AK7: variants seen among roughly 807,000 people sequenced by gnomAD.
The protein encoded by AK7 is adenylate kinase 7, also known as ATP-AMP transphosphorylase 7.
AK7 carries 78 observed loss-of-function variants against 96.6 expected under a neutral mutation model. The observed-to-expected ratio is 0.81, with a 90% CI of 0.67 to 0.97. The LOEUF is 0.97. Among genes scored for constraint, AK7 ranks in the 50% least tolerant of loss-of-function variants. AK7 has a pLI of 0.00. For missense variants in AK7, 855 were observed against 887.9 expected, an observed-to-expected ratio of 0.96 and a Z score of 0.47; for synonymous variants, 302 against 317.2, an observed-to-expected ratio of 0.95 and a Z score of 0.51.
At chr14:96,449,714 G>C in intron 8 of AK7, 88 bp from the exon 9 acceptor site, 1 of 964,302 alleles carries the variant, frequency 1.0e-6, no homozygotes, top group East Asian at 2.7e-5. Context: ...GATTACAGGC[G>C]TGAGCCACTG....
intron 5 of AK7, among the ~76,000 whole-genome samples, chr14:96,428,741 A>T (rs1198192806): frequency 6.6e-6 from 1 of 152,064 alleles, no homozygotes; most frequent in Non-Finnish European, 1.5e-5. Context: ...TCATGTGTCC[A>T]TTGGCTACAT....
At chr14:96,470,952 G>T (rs528577940) in intron 12 of AK7, among the ~76,000 whole-genome samples, 1 of 152,082 alleles carries the variant, frequency 6.6e-6, no homozygotes, top group East Asian at 1.9e-4. Flanking sequence ...TGCAGACATC[G>T]GCACTCGCCC....
intron 4 of AK7, among the ~76,000 whole-genome samples, chr14:96,416,506 A>G (rs1891357858): frequency 6.6e-6 from 1 of 152,182 alleles, no homozygotes; most frequent in African/African-American, 2.4e-5. Context: ...CCTCCTAGAA[A>G]GAGGAAGCCT....
At chr14:96,426,803 T>C (rs568501129) in intron 5 of AK7, among the ~76,000 whole-genome samples, 1 of 152,370 alleles carries the variant, frequency 6.6e-6, no homozygotes, top group East Asian at 1.9e-4. Flanking sequence ...TTGTATGTTA[T>C]TTGTTTCTTT....
rs771538927 is a variant in AK7, at chr14:96,398,030, C to T, written c.106-45C>T. On this transcript the variant is annotated intron_variant, in intron 1 of 17. Transcript: ENST00000267584. ...GAATCATCATTCACTGGCCCCCTGACTCTAATTTTCTCTTACCATTTGGGA... is the reference window on the plus strand; with the variant it reads ...GAATCATCATTCACTGGCCCCCTGATTCTAATTTTCTCTTACCATTTGGGA... The T allele has an allele frequency of 7.6e-6, 12 of 1,580,288 alleles. No individual in the cohort carries two copies. In the South Asian group the frequency reaches 1.4e-4, roughly 18 times the overall value.
At chr14:96,395,962 C>T (rs1181707384) in intron 1 of AK7, among the ~76,000 whole-genome samples, 1 of 151,724 alleles carries the variant, frequency 6.6e-6, no homozygotes. Flanking sequence ...CAGGCATGTG[C>T]CACCATGCCC....
chr14:96,468,761 T>G (rs998255888), intron 12 of AK7, among the ~76,000 whole-genome samples: 2 of 152,286 alleles, frequency 1.3e-5, no homozygotes, highest in African/African-American at 4.8e-5. Context: ...TTTAAACATG[T>G]TTTAGTAATT....
At chr14:96,419,718 T>C (rs994408888) in intron 4 of AK7, among the ~76,000 whole-genome samples, 2 of 152,014 alleles carry the variant, frequency 1.3e-5, no homozygotes, top group African/African-American at 2.4e-5. Context: ...AGACTTTTAG[T>C]TTTTAATTTT....
chr14:96,464,414 G>A (rs1021481587), intron 12 of AK7, among the ~76,000 whole-genome samples: 1 of 151,738 alleles, frequency 6.6e-6, no homozygotes, highest in African/African-American at 2.4e-5. Flanking sequence ...GCCAGGCGTG[G>A]TGGTGCGTGC....
intron 12 of AK7, among the ~76,000 whole-genome samples, chr14:96,466,023 A>AG (rs907671139): frequency 2.6e-5 from 4 of 151,290 alleles, no homozygotes; most frequent in African/African-American, 7.3e-5. Context: ...AAAAAAAAAA[A>AG]AAAGAAACCA....
intron 5 of AK7, among the ~76,000 whole-genome samples, chr14:96,431,392 T>C (rs8010890): frequency 0.07 from 10,657 of 152,156 alleles, 1,295 homozygotes; most frequent in African/African-American, 0.24. Context: ...CTCTTGTGGG[T>C]ATTTAGTGCT....
At chr14:96,395,580 C>T (rs534002997) in intron 1 of AK7, among the ~76,000 whole-genome samples, 19 of 152,056 alleles carry the variant, frequency 1.2e-4, no homozygotes, top group African/African-American at 2.2e-4. Flanking sequence ...TGGTGGCACA[C>T]GCCTACCTTC....
intron 12 of AK7, among the ~76,000 whole-genome samples, chr14:96,465,449 C>T (rs917185126): frequency 4.1e-5 from 6 of 147,422 alleles, no homozygotes; most frequent in Non-Finnish European, 8.9e-5. Flanking sequence ...GGCGACAGAG[C>T]GAAGACTCCG....
chr14:96,482,366 C>T (rs2140177689), intron 15 of AK7, among the ~76,000 whole-genome samples: 1 of 152,308 alleles, frequency 6.6e-6, no homozygotes, highest in Non-Finnish European at 1.5e-5. Context: ...GTCTGCTGCA[C>T]ATCGTTCTCT....
At position 96,408,906 on chromosome 14, in the gene AK7, G is replaced by A. The variant is rs1480598205; in HGVS notation, c.463G>A (p.Val155Met). The A allele has an allele frequency of 6.2e-7, 1 of 1,614,238 alleles. No individual in the cohort carries two copies. The highest frequency in any genetic ancestry group is 1.3e-5 in the African/African-American group (1 of 75,064). ...KRKLFILLST[V>M]MTWARSKALD... Reference sequence around the variant, plus strand: ...AAAGCTATTTATTTTACTGTCGACGGTGATGACTTGGGCGCGCTCCAAAGC... The same window carrying A: ...AAAGCTATTTATTTTACTGTCGACGATGATGACTTGGGCGCGCTCCAAAGC... Residue 155 changes from valine to methionine, a missense_variant, in exon 4 of 18, where the codon GTG becomes ATG. Transcript: ENST00000267584.
At chr14:96,473,648 C>T (rs533120590) in intron 14 of AK7, among the ~76,000 whole-genome samples, 1 of 152,050 alleles carries the variant, frequency 6.6e-6, no homozygotes, top group South Asian at 2.1e-4. Flanking sequence ...AGAGAATGCA[C>T]CAACGGATAA....
intron 12 of AK7, among the ~76,000 whole-genome samples, chr14:96,464,575 A>G (rs1416057559): frequency 6.6e-6 from 1 of 150,842 alleles, no homozygotes; most frequent in Non-Finnish European, 1.5e-5. Flanking sequence ...AAAAGGAGAA[A>G]GAGAGAGAAT....
chr14:96,421,832 C>T (rs1891717627), intron 5 of AK7, among the ~76,000 whole-genome samples: 1 of 152,114 alleles, frequency 6.6e-6, no homozygotes, highest in South Asian at 2.1e-4. Flanking sequence ...GTCTCGATCT[C>T]CTGAACTCGT....
intron 16 of AK7, among the ~76,000 whole-genome samples, chr14:96,486,579 G>A (rs950085938): frequency 1.3e-5 from 2 of 151,502 alleles, no homozygotes; most frequent in African/African-American, 2.4e-5. Context: ...GCTGTATGCT[G>A]AGCAAAGAAT....
Sources: gnomAD v4.1 joint callset for allele counts (sites outside exome capture counted in the v4.1 genomes callset) on GRCh38, gnomAD v4.1.1 for gene constraint, MANE v1.5 for transcripts, NCBI Gene and HGNC (gene_info 2026-07-23, HGNC 2026-07-21) for gene names.